EVI5: variants seen among roughly 807,000 people sequenced by gnomAD.
The protein encoded by EVI5 is ecotropic viral integration site 5, also known as ecotropic viral integration site 5 protein homolog.
In EVI5, 73 loss-of-function variants were observed where a neutral mutation model predicts 112.0. That is an observed-to-expected ratio of 0.65 (90% CI 0.54 to 0.79). EVI5 has a LOEUF of 0.79. Ranked by LOEUF, EVI5 falls within the 30% of genes least tolerant of loss-of-function variation. The pLI is 0.00. For missense variants in EVI5, 900 were observed against 968.8 expected, an observed-to-expected ratio of 0.93 and a Z score of 0.94; for synonymous variants, 305 against 319.9, an observed-to-expected ratio of 0.95 and a Z score of 0.50.
rs1160757539 is a variant in EVI5, at chr1:92,590,681, AAC to A, written c.2070+14624_2070+14625del. On this transcript the variant is annotated intron_variant, in intron 18 of 19. Coordinates refer to ENST00000684568, the MANE Select transcript of EVI5 (RefSeq NM_001350197.2). ...CGGGGAGAATGGAACCAAGGTGGAA[AAC>A]ACTCTGCAGGATACTATCCAGGAGA... 7.2e-4 allele frequency among the ~76,000 whole-genome samples: 109 copies of A among 152,336 alleles called. 1 individual carries two copies. Among genetic ancestry groups the A allele is most frequent in the South Asian group, 4.1e-3 (20 of 4,830 alleles).
chr1:92,758,246 C>A (rs892201937), intron 1 of EVI5, among the ~76,000 whole-genome samples: 1 of 152,122 alleles, frequency 6.6e-6, no homozygotes, highest in Non-Finnish European at 1.5e-5. Flanking sequence ...TTTTTAGTAT[C>A]ATGTAAGCCT....
chr1:92,517,296 C>A (rs1660074295), intron 19 of EVI5, among the ~76,000 whole-genome samples: 1 of 152,062 alleles, frequency 6.6e-6, no homozygotes, highest in Admixed American at 6.5e-5. Flanking sequence ...AGAGATGACT[C>A]AAAGTATATG....
chr1:92,746,064 A>G (rs184821251), intron 1 of EVI5, among the ~76,000 whole-genome samples: 311 of 152,306 alleles, frequency 2.0e-3, no homozygotes, highest in Middle Eastern at 0.01. Flanking sequence ...AATCAATCAC[A>G]GCAACCAAGC....
chr1:92,593,419 T>C (rs1674345977), intron 18 of EVI5, among the ~76,000 whole-genome samples: 1 of 152,164 alleles, frequency 6.6e-6, no homozygotes, highest in Admixed American at 6.5e-5. Flanking sequence ...GGGACGTATC[T>C]CAAAATAATT....
intron 18 of EVI5, among the ~76,000 whole-genome samples, chr1:92,585,123 C>G (rs1200975623): frequency 6.6e-6 from 1 of 151,510 alleles, no homozygotes; most frequent in Non-Finnish European, 1.5e-5. Context: ...ACTCAGGAGG[C>G]TGAGGCAGGA....
intron 18 of EVI5, among the ~76,000 whole-genome samples, chr1:92,566,192 C>T (rs1669453113): frequency 6.6e-6 from 1 of 152,096 alleles, no homozygotes; most frequent in Non-Finnish European, 1.5e-5. Context: ...AAACCTTTTA[C>T]TAGAATATGG....
intron 15 of EVI5, 85 bp downstream of exon 15, chr1:92,625,709 G>A: frequency 1.7e-6 from 2 of 1,162,610 alleles, no homozygotes; most frequent in Non-Finnish European, 2.5e-6. Flanking sequence ...ATCTACTATA[G>A]GTCATCAGGT....
intron 18 of EVI5, among the ~76,000 whole-genome samples, chr1:92,600,568 G>A (rs1229720778): frequency 3.3e-5 from 5 of 152,150 alleles, no homozygotes; most frequent in South Asian, 2.1e-4. Flanking sequence ...GACAGATTTC[G>A]TAGTCCATAG....
At chr1:92,570,891 T>C (rs1165504839) in intron 18 of EVI5, among the ~76,000 whole-genome samples, 1 of 151,990 alleles carries the variant, frequency 6.6e-6, no homozygotes, top group East Asian at 1.9e-4. Context: ...AGCTAAGAAA[T>C]TTTACAACAA....
At chr1:92,776,371 A>G (rs1483604941) in intron 1 of EVI5, among the ~76,000 whole-genome samples, 1 of 152,196 alleles carries the variant, frequency 6.6e-6, no homozygotes, top group Non-Finnish European at 1.5e-5. Flanking sequence ...CTACTGACTT[A>G]GTGTTTTAAA....
intron 2 of EVI5, among the ~76,000 whole-genome samples, chr1:92,728,392 T>TTC (rs1485599001): frequency 6.6e-6 from 1 of 151,644 alleles, no homozygotes; most frequent in East Asian, 1.9e-4. Flanking sequence ...TTTTTCTTTT[T>TTC]TTTTTGGAGA....
At chr1:92,538,135 T>C (rs192157928) in intron 19 of EVI5, among the ~76,000 whole-genome samples, 60 of 152,320 alleles carry the variant, frequency 3.9e-4, no homozygotes, top group African/African-American at 1.4e-3. Flanking sequence ...GTATTCAGTA[T>C]TGTGGGCAAA....
At chr1:92,778,844 G>A (rs375430068) in intron 1 of EVI5, among the ~76,000 whole-genome samples, 9 of 152,194 alleles carry the variant, frequency 5.9e-5, no homozygotes, top group African/African-American at 1.9e-4. Context: ...ATCTTATATC[G>A]GTTACATGGT....
chr1:92,539,919 T>C (rs1272591895), intron 19 of EVI5, among the ~76,000 whole-genome samples: 2 of 152,216 alleles, frequency 1.3e-5, no homozygotes, highest in Non-Finnish European at 2.9e-5. Context: ...TCTTTCTCTA[T>C]AAATTTATCT....
At chr1:92,677,003 C>T (rs187708263) in intron 10 of EVI5, among the ~76,000 whole-genome samples, 155 bp downstream of exon 10, 41 of 152,172 alleles carry the variant, frequency 2.7e-4, no homozygotes, top group Admixed American at 1.2e-3. Context: ...CCACTTCAGT[C>T]GCATTATTCT....
At chr1:92,782,442 A>T (rs1217229248) in intron 1 of EVI5, among the ~76,000 whole-genome samples, 2 of 152,226 alleles carry the variant, frequency 1.3e-5, no homozygotes, top group African/African-American at 4.8e-5. Context: ...AAATAAGCAT[A>T]TCAACGAAAA....
rs201342245 is a variant in EVI5 at position 92,510,135 on chromosome 1, G to C, written c.*3521C>G. On this transcript the variant is annotated 3_prime_UTR_variant, in exon 20 of 20. Coordinates refer to ENST00000684568, the MANE Select transcript of EVI5 (RefSeq NM_001350197.2). ...GTTTTTTGTTGTCCAAATTACAAGA[G>C]TTTCAACGGATTAAGGTTTCCTTAC... The C allele has an allele frequency of 6.6e-6, 1 of 152,192 alleles. No individual in the cohort carries two copies. The highest frequency in any genetic ancestry group is 1.5e-5 in the Non-Finnish European group (1 of 68,030). The allele number at this position is 152,192 out of a possible 1,614,324, so 9.4% of individuals were successfully genotyped here.
chr1:92,602,363 G>A (rs1649356338), intron 18 of EVI5, among the ~76,000 whole-genome samples: 1 of 152,070 alleles, frequency 6.6e-6, no homozygotes, highest in African/African-American at 2.4e-5. Flanking sequence ...CAAGAAGTAA[G>A]GCATAAGAAG....
intron 6 of EVI5, 132 bp from the exon 7 acceptor site, chr1:92,695,585 C>T: frequency 2.0e-6 from 1 of 489,826 alleles, no homozygotes; most frequent in African/African-American, 2.0e-5. Flanking sequence ...AAGACATAGA[C>T]ATTGAAACAT....
Sources: allele counts gnomAD v4.1 joint callset (sites outside exome capture counted in the v4.1 genomes callset), GRCh38; gene constraint gnomAD v4.1.1; transcripts MANE v1.5; gene names NCBI Gene and HGNC (gene_info 2026-07-23, HGNC 2026-07-21).